Variants in DPP10 observed in about 807,000 individuals in gnomAD.
DPP10 encodes the protein inactive dipeptidyl peptidase 10.
In DPP10, 33 loss-of-function variants were observed where a neutral mutation model predicts 120.9. That is an observed-to-expected ratio of 0.27 (90% CI 0.21 to 0.37). The LOEUF is 0.37. DPP10 is among the 10% of genes least tolerant of loss of function. DPP10 has a pLI of 1.00. For synonymous variants in DPP10, 337 were observed against 326.1 expected (o/e 1.03, Z -0.36); for missense variants, 816 against 942.8 (o/e 0.87, Z 1.76).
chr2:114,516,820 ACTT>A (rs1380703120), intron 1 of DPP10, among the ~76,000 whole-genome samples: 3 of 152,150 alleles, frequency 2.0e-5, no homozygotes, highest in East Asian at 3.9e-4. Flanking sequence ...CTTTTTTTAA[ACTT>A]CTACTTTTGT....
At chr2:115,628,939 A>G (rs1388548162) in intron 5 of DPP10, among the ~76,000 whole-genome samples, 1 of 152,094 alleles carries the variant, frequency 6.6e-6, no homozygotes, top group South Asian at 2.1e-4. Context: ...TACATTAGGT[A>G]TATCTCCTAA....
At chr2:114,520,631 C>T (rs1476557853) in intron 1 of DPP10, among the ~76,000 whole-genome samples, 1 of 152,156 alleles carries the variant, frequency 6.6e-6, no homozygotes, top group African/African-American at 2.4e-5. Context: ...AAGTGTCCAT[C>T]AATATGAAGA....
At chr2:114,555,506 C>T (rs1244080585) in intron 1 of DPP10, among the ~76,000 whole-genome samples, 1 of 152,102 alleles carries the variant, frequency 6.6e-6, no homozygotes, top group Non-Finnish European at 1.5e-5. Flanking sequence ...TGTTGCTTTA[C>T]CCTGCATGAT....
intron 24 of DPP10, among the ~76,000 whole-genome samples, chr2:115,840,311 G>GTAT (rs1575965088): frequency 6.0e-5 from 2 of 33,242 alleles, no homozygotes; most frequent in African/African-American, 1.8e-4. Context: ...CAGATATAAG[G>GTAT]TTTTTTGGTT....
intron 7 of DPP10, among the ~76,000 whole-genome samples, chr2:115,701,061 A>C (rs945447932): frequency 6.6e-6 from 1 of 152,108 alleles, no homozygotes; most frequent in Non-Finnish European, 1.5e-5. Flanking sequence ...AATCCAAATA[A>C]TGTCTTTTTT....
intron 1 of DPP10, among the ~76,000 whole-genome samples, chr2:115,081,471 T>C (rs981401911): frequency 7.9e-5 from 12 of 152,242 alleles, no homozygotes; most frequent in Middle Eastern, 3.2e-3. Flanking sequence ...AAACCTTCTA[T>C]GTCTGTTTCT....
chr2:115,724,151 G>A (rs2092712557), intron 7 of DPP10, among the ~76,000 whole-genome samples: 1 of 152,162 alleles, frequency 6.6e-6, no homozygotes, highest in Admixed American at 6.5e-5. Flanking sequence ...CTTATGGTAA[G>A]CTAATTTATA....
intron 2 of DPP10, among the ~76,000 whole-genome samples, chr2:115,339,349 T>C (rs1462819088): frequency 6.6e-6 from 1 of 152,158 alleles, no homozygotes; most frequent in Non-Finnish European, 1.5e-5. Context: ...CATTTATACA[T>C]TGCTGGTGAG....
At chr2:115,483,833 C>T (rs186835980) in intron 3 of DPP10, among the ~76,000 whole-genome samples, 1 of 152,164 alleles carries the variant, frequency 6.6e-6, no homozygotes, top group African/African-American at 2.4e-5. Flanking sequence ...ATTTGTGATT[C>T]TCCCAGGGCG....
chr2:114,736,977 A>G (rs563097906), intron 1 of DPP10, among the ~76,000 whole-genome samples: 5 of 152,240 alleles, frequency 3.3e-5, no homozygotes, highest in Non-Finnish European at 7.3e-5. Context: ...AGAACATAGA[A>G]ACATGTATAA....
At chr2:114,445,700 G>A (rs1010585828) in intron 1 of DPP10, among the ~76,000 whole-genome samples, 9 of 151,982 alleles carry the variant, frequency 5.9e-5, no homozygotes, top group Admixed American at 3.3e-4. Flanking sequence ...AGGAAATTGG[G>A]AGAAGTTATA....
At chr2:115,809,082 C>T (rs1323664658) in intron 19 of DPP10, among the ~76,000 whole-genome samples, 1 of 152,108 alleles carries the variant, frequency 6.6e-6, no homozygotes, top group Non-Finnish European at 1.5e-5. Flanking sequence ...AGAAACAGTT[C>T]TCTGGTAGGA....
intron 5 of DPP10, among the ~76,000 whole-genome samples, chr2:115,664,233 G>A (rs1053287275): frequency 6.6e-6 from 1 of 151,630 alleles, no homozygotes; most frequent in African/African-American, 2.4e-5. Context: ...TGCCCAAATT[G>A]TATACTAATG....
chr2:115,373,885 A>AAGAG (rs3039945), intron 3 of DPP10, among the ~76,000 whole-genome samples: 25 of 146,786 alleles, frequency 1.7e-4, no homozygotes, highest in Non-Finnish European at 6.0e-5. Context: ...AGCCAAGCAG[A>AAGAG]AGAGAGAGAG....
At chr2:114,504,042 G>T (rs1253199495) in intron 1 of DPP10, among the ~76,000 whole-genome samples, 1 of 152,160 alleles carries the variant, frequency 6.6e-6, no homozygotes, top group East Asian at 1.9e-4. Flanking sequence ...CTAGTCATTT[G>T]TTACAGAATC....
chr2:115,804,422 C>G (rs1475489650), intron 19 of DPP10, among the ~76,000 whole-genome samples: 1 of 152,226 alleles, frequency 6.6e-6, no homozygotes, highest in Non-Finnish European at 1.5e-5. Context: ...AACCCTTCCT[C>G]TCTCAACTTG....
chr2:115,079,372 C>CAAAAAAAAAAGA (rs57960886), intron 1 of DPP10, among the ~76,000 whole-genome samples: 67 of 146,482 alleles, frequency 4.6e-4, no homozygotes, highest in African/African-American at 1.4e-3. Context: ...TCTCAAAAAA[C>CAAAAAAAAAAGA]AAAAAAAAAG....
At chr2:114,583,505 G>T (rs553996878) in intron 1 of DPP10, among the ~76,000 whole-genome samples, 2 of 152,304 alleles carry the variant, frequency 1.3e-5, no homozygotes, top group Admixed American at 6.5e-5. Context: ...TTGAATATAT[G>T]TATAATCAGA....
intron 1 of DPP10, among the ~76,000 whole-genome samples, chr2:114,663,640 G>GATATATATATAT (rs748891458): frequency 6.5e-5 from 7 of 107,870 alleles, no homozygotes; most frequent in African/African-American, 3.4e-4. Flanking sequence ...TACATGTACA[G>GATATATATATAT]ATATATATAT....
Sources: allele counts gnomAD v4.1 joint callset (sites outside exome capture counted in the v4.1 genomes callset), GRCh38; gene constraint gnomAD v4.1.1; transcripts MANE v1.5; gene names NCBI Gene and HGNC (gene_info 2026-07-23, HGNC 2026-07-21).